The following TMEM212 variants were observed in gnomAD, a reference collection of about 807,000 sequenced individuals.
TMEM212 encodes the protein transmembrane protein 212.
In TMEM212, 23 loss-of-function variants were observed where a neutral mutation model predicts 20.5. The observed-to-expected ratio is 1.12, with a 90% CI of 0.81 to 1.59. The LOEUF is 1.59. TMEM212 is among the 40% of genes most tolerant of loss of function. The pLI, the probability that TMEM212 is intolerant of heterozygous loss-of-function variation, is 0.00. For missense variants in TMEM212, 211 were observed against 215.0 expected (o/e 0.98, Z 0.12); for synonymous variants, 76 against 81.6 (o/e 0.93, Z 0.37).
intron 3 of TMEM212, among the ~76,000 whole-genome samples, chr3:171,855,578 T>A (rs908295297): frequency 6.6e-6 from 1 of 152,208 alleles, no homozygotes; most frequent in Non-Finnish European, 1.5e-5. Context: ...AGTAGCTTTT[T>A]AAAAGTTACT....
intron 1 of TMEM212, among the ~76,000 whole-genome samples, chr3:171,844,396 A>G (rs150941057): frequency 6.6e-6 from 1 of 152,234 alleles, no homozygotes; most frequent in African/African-American, 2.4e-5. Flanking sequence ...TTTTGATCTT[A>G]AGGAATCTTC....
intron 1 of TMEM212, among the ~76,000 whole-genome samples, chr3:171,847,009 T>G (rs1724849027): frequency 6.6e-6 from 1 of 152,250 alleles, no homozygotes; most frequent in Non-Finnish European, 1.5e-5. Flanking sequence ...GTACTTTGAA[T>G]TTGTTCAAAG....
At position 171,858,888 on chromosome 3, in the gene TMEM212, T is replaced by C. The variant is rs1004542337; in HGVS notation, c.*831T>C. 1.3e-5 allele frequency: 2 copies of C among 152,142 alleles called. No individual in the cohort carries two copies. The highest frequency in any genetic ancestry group is 4.8e-5 in the African/African-American group (2 of 41,416). 9.4% of individuals were successfully genotyped at this position (152,142 alleles called of 1,614,324 possible). A position where few individuals can be genotyped will look rare whatever the true frequency, so the allele number is the denominator to read the frequency against. On this transcript the variant is annotated 3_prime_UTR_variant, in exon 5 of 5. Coordinates refer to ENST00000334567, the MANE Select transcript of TMEM212 (RefSeq NM_001164436.2). Reference sequence around the variant, plus strand: ...CGGCACTATTCACAATAGTAAAGACTTGGAACCAACCCAAATATCCATCAA... The same window carrying C: ...CGGCACTATTCACAATAGTAAAGACCTGGAACCAACCCAAATATCCATCAA...
Position 171,845,593 on chromosome 3 carries a change from C to T in TMEM212, c.159+2051C>T, listed in dbSNP as rs1413887882. On this transcript the variant is annotated intron_variant, in intron 1 of 4. Coordinates refer to ENST00000334567, the MANE Select transcript of TMEM212 (RefSeq NM_001164436.2). ...TTCTAGGCCAAACATCTATTTTTAC[C>T]AGTTAGGCCCGGAGAAATGATATGA... Among the ~76,000 whole-genome samples the T allele has an allele frequency of 2.0e-5, 3 of 152,096 alleles. No individual in the cohort carries two copies. In the East Asian group the frequency reaches 5.8e-4, roughly 29 times the overall value.
chr3:171,844,862 T>A (rs1724797765), intron 1 of TMEM212, among the ~76,000 whole-genome samples: 1 of 152,184 alleles, frequency 6.6e-6, no homozygotes. Context: ...TAGCCCCCTA[T>A]GTCGTTGAGT....
intron 1 of TMEM212, among the ~76,000 whole-genome samples, chr3:171,850,788 G>T (rs758062352): frequency 6.6e-5 from 10 of 152,124 alleles, no homozygotes; most frequent in Non-Finnish European, 1.5e-4. Flanking sequence ...ATGGTATGGC[G>T]ATGCCAAGTC....
In TMEM212 at chr3:171,853,690, A is replaced by G. The variant is rs1382154863; in HGVS notation, c.383A>G (p.Tyr128Cys). The change falls in exon 3 of 5, where the codon TAT (tyrosine) becomes TGT (cysteine). Residue 128 changes from tyrosine (Y) to cysteine (C), a missense_variant. Tyr to Cys is a radical substitution (Grantham distance 194, BLOSUM62 -2). Coordinates refer to ENST00000334567, the MANE Select transcript of TMEM212 (RefSeq NM_001164436.2). ...LGYAVTFPYP[Y>C]AKFPLACVDP... ...TATGCAGTTACCTTTCCTTATCCAT[A>G]TGCAAAATTCCCATTAGCCTGTGTG... 6.5e-7 allele frequency: 1 copy of G among 1,537,502 alleles called. No individual in the cohort carries two copies.
chr3:171,853,722 C>A lies in TMEM212; in HGVS notation c.415C>A (p.Pro139Thr). 1 of 1,537,510 alleles carries A rather than the reference C, an allele frequency of 6.5e-7. No homozygotes were observed. The highest frequency in any genetic ancestry group is 8.7e-7 in the Non-Finnish European group (1 of 1,146,932). The part of the protein sequence containing the change: ...AKFPLACVDP[P>T]HYEEYHLTLQ... Reference sequence around the variant, plus strand: ...ATTCCCATTAGCCTGTGTGGACCCACCACACTACGAAGAGTACCACCTGAC... The same window carrying A: ...ATTCCCATTAGCCTGTGTGGACCCAACACACTACGAAGAGTACCACCTGAC... Residue 139 changes from proline (P) to threonine (T), a missense_variant, in exon 3 of 5, where the codon CCA (proline) becomes ACA (threonine). Transcript: ENST00000334567.
chr3:171,858,445 G>A lies in TMEM212; in HGVS notation c.*388G>A, dbSNP rs1446903372. On this transcript the variant is annotated 3_prime_UTR_variant, in exon 5 of 5. Coordinates refer to ENST00000334567, the MANE Select transcript of TMEM212 (RefSeq NM_001164436.2). Reference sequence around the variant, plus strand: ...CTCAAGATGGATTAAAGACTTAAATGTAAGACCTAAAACCATAAAAACCCT... The same window carrying A: ...CTCAAGATGGATTAAAGACTTAAATATAAGACCTAAAACCATAAAAACCCT... 6.6e-6 allele frequency: 1 copy of A among 152,050 alleles called. No individual in the cohort carries two copies. The highest frequency in any genetic ancestry group is 1.5e-5 in the Non-Finnish European group (1 of 68,026). 9.4% of individuals were successfully genotyped at this position (152,050 alleles called of 1,614,324 possible). A position where few individuals can be genotyped will look rare whatever the true frequency, so the allele number is the denominator to read the frequency against.
chr3:171,851,987 C>T lies in TMEM212; in HGVS notation c.165C>T (p.Ile55=), dbSNP rs1426293865. 9 of 1,536,822 alleles carry T rather than the reference C, an allele frequency of 5.9e-6. No homozygotes were observed. In the East Asian group the frequency reaches 2.0e-4, roughly 33 times the overall value. Residue 55 remains isoleucine, a synonymous_variant, in exon 2 of 5, where the codon ATC becomes ATT. Coordinates refer to ENST00000334567, the MANE Select transcript of TMEM212 (RefSeq NM_001164436.2). ...ACPIWNGALA[I]TTGVLLLLAY... is the part of the protein sequence containing the mutation. ...TTTCCATTTTCTTGTCACAGGCCAT[C>T]ACAACTGGTGTGCTTCTACTGTTGG...
chr3:171,859,239 T>A lies in TMEM212; in HGVS notation c.*1182T>A, dbSNP rs1414427397. 1 of 151,996 alleles carries A rather than the reference T, an allele frequency of 6.6e-6. No homozygotes were observed. Among genetic ancestry groups the A allele is most frequent in the Admixed American group, 6.6e-5 (1 of 15,252 alleles). 9.4% of individuals were successfully genotyped at this position (151,996 alleles called of 1,614,324 possible). ...GGGTGTGGCAAACCAACATGGCACATATATACCTATGCAACAAACCTGCAT... is the reference window on the plus strand; with the variant it reads ...GGGTGTGGCAAACCAACATGGCACAAATATACCTATGCAACAAACCTGCAT... On this transcript the variant is annotated 3_prime_UTR_variant, in exon 5 of 5. Transcript: ENST00000334567.
chr3:171,848,592 T>TAGAATAGAACAGAAC, intron 1 of TMEM212, among the ~76,000 whole-genome samples: 1 of 151,762 alleles, frequency 6.6e-6, no homozygotes, highest in African/African-American at 2.4e-5. Context: ...TAGAATAGAA[T>TAGAATAGAACAGAAC]AGAATAGAAT....
intron 4 of TMEM212, 109 bp from the exon 5 acceptor site, chr3:171,857,952 T>C (rs910299165): frequency 1.3e-5 from 2 of 152,118 alleles, no homozygotes; most frequent in African/African-American, 4.8e-5. Context: ...GGTGGGAATA[T>C]AAATTGGCAT....
chr3:171,856,087 T>G (rs530132699), intron 3 of TMEM212, among the ~76,000 whole-genome samples: 89 of 152,176 alleles, frequency 5.8e-4, no homozygotes, highest in African/African-American at 2.1e-3. Flanking sequence ...ATAGTCAATA[T>G]GGGGGAAGGC....
At chr3:171,851,197 A>T (rs1003042559) in intron 1 of TMEM212, among the ~76,000 whole-genome samples, 1 of 152,198 alleles carries the variant, frequency 6.6e-6, no homozygotes, top group Admixed American at 6.5e-5. Context: ...ATGCGGATTA[A>T]GAATAAGCTA....
intron 1 of TMEM212, among the ~76,000 whole-genome samples, chr3:171,848,201 C>A (rs1330109915): frequency 6.6e-6 from 1 of 152,098 alleles, no homozygotes; most frequent in East Asian, 1.9e-4. Flanking sequence ...ATTAGCAGAT[C>A]TTGATGAGAT....
chr3:171,850,100 T>A (rs1724938563), intron 1 of TMEM212, among the ~76,000 whole-genome samples: 2 of 151,930 alleles, frequency 1.3e-5, no homozygotes, highest in South Asian at 4.2e-4. Flanking sequence ...CTCCTCCCTA[T>A]CTAAAAATAT....
At chr3:171,856,799 C>G (rs1444430289) in intron 4 of TMEM212, 92 bp downstream of exon 4, 1 of 484,262 alleles carries the variant, frequency 2.1e-6, no homozygotes. Context: ...TTTAAACAAG[C>G]TTTATATAAG....
chr3:171,845,294 T>C (rs936075348), intron 1 of TMEM212, among the ~76,000 whole-genome samples: 3 of 152,180 alleles, frequency 2.0e-5, no homozygotes, highest in Admixed American at 6.5e-5. Context: ...CTACATCTAT[T>C]ATGTATATAC....
Sources: gnomAD v4.1 joint callset for allele counts (sites outside exome capture counted in the v4.1 genomes callset) on GRCh38, gnomAD v4.1.1 for gene constraint, MANE v1.5 for transcripts, NCBI Gene and HGNC (gene_info 2026-07-23, HGNC 2026-07-21) for gene names.